GRIA4: variants seen among roughly 807,000 people sequenced by gnomAD.
GRIA4 encodes the protein glutamate ionotropic receptor AMPA type subunit 4, also known as glutamate receptor 4.
Under a neutral mutation model 104.0 loss-of-function variants are expected in GRIA4, and 34 were observed. The observed-to-expected ratio is 0.33, with a 90% CI of 0.25 to 0.44. The LOEUF (loss-of-function observed/expected upper bound fraction) is 0.44, where lower values mean the gene tolerates loss of function less well. Among genes scored for constraint, GRIA4 ranks in the 20% least tolerant of loss-of-function variants. The probability of loss-of-function intolerance (pLI) is 1.00; values close to 1 mark genes in which losing one functional copy is unlikely to be tolerated. For missense variants in GRIA4, 750 were observed against 1,096.5 expected (o/e 0.68, Z 4.46); for synonymous variants, 386 against 381.9 (o/e 1.01, Z -0.13).
At chr11:105,673,433 G>GA (rs1952437138) in intron 3 of GRIA4, among the ~76,000 whole-genome samples, 1 of 152,060 alleles carries the variant, frequency 6.6e-6, no homozygotes, top group Non-Finnish European at 1.5e-5. Context: ...ATAAATATGT[G>GA]AAAAAGAATA....
At chr11:105,894,724 A>T (rs1030720448) in intron 6 of GRIA4, among the ~76,000 whole-genome samples, 1 of 152,144 alleles carries the variant, frequency 6.6e-6, no homozygotes, top group African/African-American at 2.4e-5. Context: ...GCCAAGGTGC[A>T]TTCAGAAGGA....
At chr11:105,694,819 T>C (rs1953212210) in intron 3 of GRIA4, among the ~76,000 whole-genome samples, 1 of 152,206 alleles carries the variant, frequency 6.6e-6, no homozygotes, top group African/African-American at 2.4e-5. Flanking sequence ...AAATTTAAAA[T>C]TCAGTTCTTT....
chr11:105,634,510 AAAG>A (rs200138090), intron 3 of GRIA4, among the ~76,000 whole-genome samples: 25,695 of 80,604 alleles, frequency 0.32, 2,927 homozygotes, highest in Non-Finnish European at 0.41. Context: ...AGAAAGAAAG[AAAG>A]AAGAAAGAAA....
intron 11 of GRIA4, among the ~76,000 whole-genome samples, chr11:105,922,943 C>G (rs772861141): frequency 4.2e-4 from 64 of 152,240 alleles, no homozygotes; most frequent in Non-Finnish European, 7.8e-4. Flanking sequence ...CAGCAATGGT[C>G]TGACTCTTGT....
chr11:105,765,957 T>C (rs1425424312), intron 4 of GRIA4, among the ~76,000 whole-genome samples: 1 of 152,212 alleles, frequency 6.6e-6, no homozygotes, highest in African/African-American at 2.4e-5. Flanking sequence ...GAAATTTGCA[T>C]AGTATGAAAA....
At chr11:105,630,850 C>T (rs1020418402) in intron 3 of GRIA4, among the ~76,000 whole-genome samples, 4 of 152,074 alleles carry the variant, frequency 2.6e-5, no homozygotes, top group African/African-American at 9.7e-5. Flanking sequence ...ATCAAAGAGT[C>T]CTATAATGAG....
intron 14 of GRIA4, chr11:105,945,477 A>T: frequency 1.0e-6 from 1 of 957,514 alleles, no homozygotes; most frequent in Non-Finnish European, 1.2e-6. Flanking sequence ...AGGACAGAGG[A>T]GAACTAACCA....
chr11:105,616,530 T>C (rs1259801472), intron 3 of GRIA4, among the ~76,000 whole-genome samples: 1 of 151,744 alleles, frequency 6.6e-6, no homozygotes, highest in East Asian at 1.9e-4. Flanking sequence ...AAAAACTCAC[T>C]GAATTTAAGT....
At chr11:105,794,948 GAGA>G (rs1942419190) in intron 4 of GRIA4, among the ~76,000 whole-genome samples, 2 of 151,984 alleles carry the variant, frequency 1.3e-5, no homozygotes, top group African/African-American at 2.4e-5. Context: ...GCACACATCT[GAGA>G]AGACCATTTT....
intron 4 of GRIA4, among the ~76,000 whole-genome samples, chr11:105,795,737 G>C (rs1415880368): frequency 6.6e-6 from 1 of 151,954 alleles, no homozygotes; most frequent in Non-Finnish European, 1.5e-5. Context: ...ATTCTTTTTA[G>C]AAAAATAGAA....
intron 9 of GRIA4, 102 bp from the exon 10 acceptor site, chr11:105,910,333 A>G: frequency 1.6e-6 from 1 of 630,662 alleles, no homozygotes; most frequent in Non-Finnish European, 2.9e-6. Context: ...GTTTGCTTAC[A>G]TTTGTTTTGT....
intron 3 of GRIA4, among the ~76,000 whole-genome samples, chr11:105,725,920 G>T (rs938751370): frequency 6.6e-6 from 1 of 152,130 alleles, no homozygotes; most frequent in Non-Finnish European, 1.5e-5. Context: ...ATTCCCTCGG[G>T]TGCCTACACT....
chr11:105,886,490 AC>A (rs1946266728), intron 5 of GRIA4, among the ~76,000 whole-genome samples: 1 of 87,244 alleles, frequency 1.1e-5, no homozygotes, highest in South Asian at 3.9e-4. Flanking sequence ...CCTCCCTCCC[AC>A]CCCCACTACC....
chr11:105,628,544 C>G (rs2135300073), intron 3 of GRIA4, among the ~76,000 whole-genome samples: 1 of 152,254 alleles, frequency 6.6e-6, no homozygotes, highest in Middle Eastern at 3.4e-3. Context: ...TTGCTCGGCA[C>G]TTCTCTTTCC....
intron 4 of GRIA4, among the ~76,000 whole-genome samples, chr11:105,771,560 AT>A (rs926011317): frequency 2.0e-5 from 3 of 152,026 alleles, no homozygotes; most frequent in African/African-American, 7.2e-5. Flanking sequence ...TATAAGGGAC[AT>A]TTTTTTGTAA....
In GRIA4 at chr11:105,741,217, T is replaced by A. The variant is rs1591176205; in HGVS notation, c.248-11764T>A. Among the ~76,000 whole-genome samples the A allele has an allele frequency of 2.0e-5, 3 of 152,234 alleles. No individual in the cohort carries two copies. The East Asian group carries it at 5.8e-4, about 29-fold the overall frequency. On this transcript the variant is annotated intron_variant, in intron 3 of 16. Transcript: ENST00000282499. ...TTTTCATAGATAGCCATGTTTTCTG[T>A]TGGAATGGCAGAAAATAGAGAAAAG...
At position 105,909,118 on chromosome 11, in the gene GRIA4, G is replaced by A. The variant is rs553358618; in HGVS notation, c.1159-1317G>A. 2.6e-5 allele frequency among the ~76,000 whole-genome samples: 4 copies of A among 152,192 alleles called. 1 individual carries two copies. Among genetic ancestry groups the A allele is most frequent in the African/African-American group, 7.2e-5 (3 of 41,538 alleles). On this transcript the variant is annotated intron_variant, in intron 9 of 16. Transcript: ENST00000282499. ...ATCAAACCAAGAAGTGTAGCAAGCC[G>A]TATTAATAAAAAGTCTTTTTCTCCA...
At chr11:105,898,680 A>G (rs746573654) in intron 7 of GRIA4, among the ~76,000 whole-genome samples, 18 of 152,120 alleles carry the variant, frequency 1.2e-4, no homozygotes, top group Non-Finnish European at 2.4e-4. Flanking sequence ...ATTTTCTTTC[A>G]GAATTAAATT....
chr11:105,802,982 T>A (rs1260141138), intron 4 of GRIA4, among the ~76,000 whole-genome samples: 3 of 151,950 alleles, frequency 2.0e-5, no homozygotes, highest in Non-Finnish European at 2.9e-5. Context: ...CTTAAATTTA[T>A]CTTTGACTTA....
Sources: gnomAD v4.1 joint callset for allele counts (sites outside exome capture counted in the v4.1 genomes callset) on GRCh38, gnomAD v4.1.1 for gene constraint, MANE v1.5 for transcripts, NCBI Gene and HGNC (gene_info 2026-07-23, HGNC 2026-07-21) for gene names.